The following DGKB variants were observed in gnomAD, a reference collection of about 807,000 sequenced individuals.
DGKB encodes the protein 90 kDa diacylglycerol kinase.
In DGKB, 67 loss-of-function variants were observed where a neutral mutation model predicts 114.3. The ratio of observed to expected loss-of-function variants is 0.59; its 90% CI spans 0.48 to 0.72. The LOEUF (loss-of-function observed/expected upper bound fraction) is 0.72. DGKB is among the 30% of genes least tolerant of loss of function. The pLI is 0.00. For synonymous variants in DGKB, 398 were observed against 323.1 expected, an observed-to-expected ratio of 1.23 and a Z score of -2.49; for missense variants, 907 against 975.2, an observed-to-expected ratio of 0.93 and a Z score of 0.93.
At chr7:14,847,998 A>G (rs1848867928) in intron 1 of DGKB, among the ~76,000 whole-genome samples, 1 of 152,240 alleles carries the variant, frequency 6.6e-6, no homozygotes. Flanking sequence ...ATTAGAGGCC[A>G]TGTTAAGGAC....
chr7:14,883,748 G>A (rs1411366376), intron 1 of DGKB, among the ~76,000 whole-genome samples: 1 of 151,908 alleles, frequency 6.6e-6, no homozygotes, highest in East Asian at 1.9e-4. Flanking sequence ...GTGGATTCAG[G>A]AGCTCTGCAA....
chr7:14,387,205 C>T (rs980936963), intron 21 of DGKB, among the ~76,000 whole-genome samples: 5 of 151,756 alleles, frequency 3.3e-5, no homozygotes, highest in Non-Finnish European at 5.9e-5. Flanking sequence ...GCGTGGATCA[C>T]GAGGTCAGGA....
intron 1 of DGKB, among the ~76,000 whole-genome samples, chr7:14,868,149 C>G (rs1851945576): frequency 6.6e-6 from 1 of 151,992 alleles, no homozygotes; most frequent in Non-Finnish European, 1.5e-5. Flanking sequence ...ACCAAGAACC[C>G]TCCTAGGGTC....
chr7:14,852,094 C>T (rs1309444844), intron 1 of DGKB, among the ~76,000 whole-genome samples: 1 of 152,100 alleles, frequency 6.6e-6, no homozygotes, highest in African/African-American at 2.4e-5. Context: ...GCAATAGTAA[C>T]TACAACAAGT....
At chr7:14,647,652 G>A (rs376635822) in intron 13 of DGKB, among the ~76,000 whole-genome samples, 15 of 152,012 alleles carry the variant, frequency 9.9e-5, no homozygotes, top group Admixed American at 5.2e-4. Flanking sequence ...CAAGATGGCC[G>A]AATAGTAACA....
At chr7:14,933,896 A>G (rs557708604) in intron 1 of DGKB, among the ~76,000 whole-genome samples, 1 of 152,294 alleles carries the variant, frequency 6.6e-6, no homozygotes, top group South Asian at 2.1e-4. Context: ...TTTTAAATCA[A>G]TTATAGCACA....
At chr7:14,748,299 A>G (rs1723247) in intron 4 of DGKB, among the ~76,000 whole-genome samples, 54,176 of 152,070 alleles carry the variant, frequency 0.36, 13,358 homozygotes, top group African/African-American at 0.69. Flanking sequence ...ATGGTATTAA[A>G]TGCTATAGAA....
chr7:14,731,395 C>CA (rs34411531), intron 5 of DGKB, among the ~76,000 whole-genome samples: 2 of 151,176 alleles, frequency 1.3e-5, no homozygotes, highest in African/African-American at 4.9e-5. Flanking sequence ...TTATATGATG[C>CA]AAAAAAAGTC....
At chr7:14,673,537 A>T (rs1306951948) in intron 12 of DGKB, among the ~76,000 whole-genome samples, 1 of 151,940 alleles carries the variant, frequency 6.6e-6, no homozygotes, top group African/African-American at 2.4e-5. Context: ...GATTCATCTC[A>T]GTAGGAGCAG....
At chr7:14,923,963 A>G (rs955375576) in intron 1 of DGKB, among the ~76,000 whole-genome samples, 1 of 137,692 alleles carries the variant, frequency 7.3e-6, no homozygotes, top group Non-Finnish European at 1.5e-5. Context: ...CAACCTGGGC[A>G]ACACAGTGAA....
At chr7:14,611,151 A>T (rs1187921453) in intron 16 of DGKB, among the ~76,000 whole-genome samples, 4 of 152,020 alleles carry the variant, frequency 2.6e-5, no homozygotes, top group Non-Finnish European at 4.4e-5. Context: ...TTCTCTAAAG[A>T]CTTCTTGGTC....
chr7:14,922,221 C>G (rs1336580831), intron 1 of DGKB, among the ~76,000 whole-genome samples: 1 of 151,910 alleles, frequency 6.6e-6, no homozygotes, highest in Admixed American at 6.6e-5. Context: ...AAAGGCTAAA[C>G]CAGAGCAACG....
chr7:14,492,886 C>G (rs1305841955), intron 20 of DGKB, among the ~76,000 whole-genome samples: 4 of 151,976 alleles, frequency 2.6e-5, no homozygotes, highest in African/African-American at 9.7e-5. Context: ...TTTAATTATA[C>G]TGTTTGTAGG....
At chr7:14,417,608 C>A (rs1825904362) in intron 21 of DGKB, among the ~76,000 whole-genome samples, 1 of 151,808 alleles carries the variant, frequency 6.6e-6, no homozygotes, top group Admixed American at 6.6e-5. Context: ...AAGAAACTCC[C>A]TAAATAATAA....
chr7:14,356,547 G>A (rs756027403), intron 21 of DGKB, among the ~76,000 whole-genome samples: 2 of 151,680 alleles, frequency 1.3e-5, no homozygotes, highest in African/African-American at 2.4e-5. Context: ...ATTTTTAGTA[G>A]AGATGGGTTT....
intron 1 of DGKB, among the ~76,000 whole-genome samples, chr7:14,936,967 A>G (rs912784714): frequency 2.7e-5 from 4 of 148,196 alleles, no homozygotes; most frequent in African/African-American, 9.9e-5. Context: ...ATCTCCTTGT[A>G]ATGACTTTCT....
chr7:14,660,518 C>T (rs559515067), intron 13 of DGKB, among the ~76,000 whole-genome samples: 6 of 151,832 alleles, frequency 4.0e-5, no homozygotes, highest in African/African-American at 7.3e-5. Flanking sequence ...GAGGTGTTTG[C>T]AGTATTCTCT....
intron 2 of DGKB, among the ~76,000 whole-genome samples, chr7:14,818,123 T>C (rs1352415183): frequency 6.6e-6 from 1 of 152,146 alleles, no homozygotes; most frequent in Non-Finnish European, 1.5e-5. Context: ...AAGATTATAA[T>C]GTGAATTCTT....
chr7:14,705,965 A>G (rs1390363833), intron 6 of DGKB, among the ~76,000 whole-genome samples: 10 of 152,042 alleles, frequency 6.6e-5, no homozygotes, highest in Non-Finnish European at 1.2e-4. Flanking sequence ...ACACATAACA[A>G]TATTAACTTT....
Sources: allele counts gnomAD v4.1 joint callset (sites outside exome capture counted in the v4.1 genomes callset), GRCh38; gene constraint gnomAD v4.1.1; transcripts MANE v1.5; gene names NCBI Gene and HGNC (gene_info 2026-07-23, HGNC 2026-07-21).